PTPRG: variants seen among roughly 807,000 people sequenced by gnomAD.
PTPRG encodes protein tyrosine phosphatase receptor type G, also known as receptor-type tyrosine-protein phosphatase gamma.
A neutral mutation model predicts 165.3 loss-of-function variants in PTPRG; 102 were observed. The observed-to-expected ratio is 0.62, with a 90% confidence interval of 0.53 to 0.73. The LOEUF (loss-of-function observed/expected upper bound fraction) is 0.73, where lower values mean the gene tolerates loss of function less well. Ranked by LOEUF, PTPRG falls within the 30% of genes least tolerant of loss-of-function variation. PTPRG has a pLI of 0.00. For synonymous variants in PTPRG, 675 were observed against 669.5 expected (o/e 1.01, Z -0.13); for missense variants, 1,866 against 1,861.4 (o/e 1.00, Z -0.05).
chr3:61,890,419 TTTTG>T (rs915498255), intron 2 of PTPRG, among the ~76,000 whole-genome samples: 2 of 82,764 alleles, frequency 2.4e-5, no homozygotes, highest in African/African-American at 7.5e-5. Context: ...TTTGTTTTTT[TTTTG>T]TTTTTTTTTT....
At chr3:62,024,870 C>G (rs1012902844) in intron 4 of PTPRG, among the ~76,000 whole-genome samples, 1 of 152,082 alleles carries the variant, frequency 6.6e-6, no homozygotes, top group African/African-American at 2.4e-5. Context: ...TTTCGACATG[C>G]GATTTTCCAA....
At chr3:61,902,115 C>T (rs1040340122) in intron 2 of PTPRG, among the ~76,000 whole-genome samples, 2 of 152,168 alleles carry the variant, frequency 1.3e-5, no homozygotes, top group African/African-American at 2.4e-5. Flanking sequence ...TATGAATTGT[C>T]CTTCTCACCA....
Position 62,222,082 on chromosome 3 carries a change from T to G in PTPRG, c.2288+3099T>G, listed in dbSNP as rs1450916770. Among the ~76,000 whole-genome samples, 2 of 152,238 alleles carry G rather than the reference T, an allele frequency of 1.3e-5. No homozygotes were observed. Among genetic ancestry groups the G allele is most frequent in the African/African-American group, 4.8e-5 (2 of 41,462 alleles). The stretch of plus-strand genomic sequence containing the variant: ...CAAGGAAGAGAACGAGAACTCACAT[T>G]TGTTGAAAGCCTGCTATGGGCCAAA... On this transcript the variant is annotated intron_variant, in intron 13 of 29. Transcript: ENST00000474889. The surrounding 1 kb of genome is among the most constrained non-coding windows in gnomAD (Gnocchi z 4.5).
chr3:62,124,521 C>T (rs779460408), intron 5 of PTPRG: 176 of 1,562,434 alleles, frequency 1.1e-4, no homozygotes, highest in Admixed American at 2.2e-4. Context: ...ATCAGGTCAT[C>T]CACCGGGGTT....
intron 2 of PTPRG, among the ~76,000 whole-genome samples, chr3:61,878,182 G>A (rs1297683886): frequency 6.6e-6 from 1 of 152,062 alleles, no homozygotes; most frequent in East Asian, 1.9e-4. Flanking sequence ...TTAATATTGG[G>A]GAATTTGCTA....
intron 4 of PTPRG, among the ~76,000 whole-genome samples, chr3:62,029,654 CT>C (rs1425916224): frequency 6.6e-6 from 1 of 152,174 alleles, no homozygotes; most frequent in African/African-American, 2.4e-5. Context: ...CTTCAAACCT[CT>C]TTTATTCCAG....
At chr3:61,968,677 A>G (rs749861408) in intron 2 of PTPRG, among the ~76,000 whole-genome samples, 9 of 152,164 alleles carry the variant, frequency 5.9e-5, no homozygotes, top group Non-Finnish European at 1.3e-4. Context: ...AGGTGCTACC[A>G]TTTGGGGGTT....
chr3:61,752,563 C>T (rs925070523), intron 2 of PTPRG, among the ~76,000 whole-genome samples: 7 of 151,946 alleles, frequency 4.6e-5, no homozygotes, highest in South Asian at 2.1e-4. Context: ...GAGGCCGAGG[C>T]GGGCAGATCA....
intron 2 of PTPRG, among the ~76,000 whole-genome samples, chr3:61,931,868 C>T (rs891343214): frequency 1.3e-5 from 2 of 152,178 alleles, no homozygotes; most frequent in Non-Finnish European, 1.5e-5. Context: ...ATAACAAAAT[C>T]GTGTTTCTGT....
intron 4 of PTPRG, among the ~76,000 whole-genome samples, chr3:62,077,163 G>A (rs769104207): frequency 1.3e-5 from 2 of 152,114 alleles, no homozygotes; most frequent in African/African-American, 4.8e-5. Context: ...CTACTCAGGA[G>A]GCTGAGGTGG....
rs546929316 is a variant in PTPRG at position 62,055,239 on chromosome 3, A to G, written c.520-22924A>G. On this transcript the variant is annotated intron_variant, in intron 4 of 29. Coordinates refer to ENST00000474889, the MANE Select transcript of PTPRG (RefSeq NM_002841.4). ...TATAGGACTATTATTATACCATTAT[A>G]CTCATTTTAAAGATGATACCATACT... Among the ~76,000 whole-genome samples the G allele has an allele frequency of 4.0e-4, 61 of 152,302 alleles. 1 individual carries two copies. The highest frequency in any genetic ancestry group is 1.4e-3 in the African/African-American group (59 of 41,568).
rs561334410 is a variant in PTPRG at position 61,939,928 on chromosome 3, C to CTTTTTTTTTTTTTTTT, written c.191-49676_191-49661dup. On this transcript the variant is annotated intron_variant, in intron 2 of 29. Coordinates refer to ENST00000474889, the MANE Select transcript of PTPRG (RefSeq NM_002841.4). ...TGTCTTGGCTTCCTTACTGACTTGT[C>CTTTTTTTTTTTTTTTT]TTTTTTTTTTTTTTTTTTTTTTTTT... 2.6e-4 allele frequency among the ~76,000 whole-genome samples: 10 copies of CTTTTTTTTTTTTTTTT among 39,138 alleles called. 3 individuals are homozygous for CTTTTTTTTTTTTTTTT. The highest frequency in any genetic ancestry group is 4.6e-4 in the Admixed American group (1 of 2,194). 25.7% of individuals were successfully genotyped at this position (39,138 alleles called of 152,430 possible). A position where few individuals can be genotyped will look rare whatever the true frequency, so the allele number is the denominator to read the frequency against.
At chr3:62,058,543 T>C (rs186044553) in intron 4 of PTPRG, among the ~76,000 whole-genome samples, 1 of 152,156 alleles carries the variant, frequency 6.6e-6, no homozygotes, top group Non-Finnish European at 1.5e-5. Context: ...CACCTTTTTG[T>C]TGGGATCTAC....
intron 17 of PTPRG, among the ~76,000 whole-genome samples, chr3:62,265,628 A>G (rs1420470627): frequency 6.6e-6 from 1 of 152,122 alleles, no homozygotes; most frequent in Non-Finnish European, 1.5e-5. Flanking sequence ...CTTTTCTGAG[A>G]AAATGAACTG....
chr3:61,888,837 T>A (rs551659911), intron 2 of PTPRG, among the ~76,000 whole-genome samples: 1 of 152,342 alleles, frequency 6.6e-6, no homozygotes, highest in Admixed American at 6.5e-5. Flanking sequence ...AATCTGGAAC[T>A]GTTCCTGAGT....
At chr3:62,112,335 C>T (rs1278319065) in intron 5 of PTPRG, among the ~76,000 whole-genome samples, 1 of 152,132 alleles carries the variant, frequency 6.6e-6, no homozygotes, top group East Asian at 1.9e-4. Context: ...AACTCCTGAC[C>T]TCAAGCAATC....
At chr3:61,732,900 C>T (rs979464434) in intron 1 of PTPRG, among the ~76,000 whole-genome samples, 7 of 152,290 alleles carry the variant, frequency 4.6e-5, no homozygotes, top group South Asian at 4.1e-4. Context: ...GAATTGTTTT[C>T]GCAGCAGTTA....
chr3:62,276,113 T>C, intron 24 of PTPRG, 147 bp downstream of exon 24: 1 of 510,156 alleles, frequency 2.0e-6, no homozygotes, highest in Non-Finnish European at 3.4e-6. Flanking sequence ...AATGTCCTTT[T>C]AGTAACCTCA....
At chr3:61,993,198 T>C (rs923136090) in intron 3 of PTPRG, among the ~76,000 whole-genome samples, 1 of 151,908 alleles carries the variant, frequency 6.6e-6, no homozygotes, top group African/African-American at 2.4e-5. Flanking sequence ...ATAGTTTTTT[T>C]TGTTGTTGTT....
Sources: gnomAD v4.1 joint callset for allele counts (sites outside exome capture counted in the v4.1 genomes callset) on GRCh38, gnomAD v4.1.1 for gene constraint, Gnocchi (gnomAD v3.1) non-coding constraint, MANE v1.5 for transcripts, NCBI Gene and HGNC (gene_info 2026-07-23, HGNC 2026-07-21) for gene names.